The following CTNND2 variants were observed in gnomAD, a reference collection of about 807,000 sequenced individuals.
CTNND2 encodes the protein catenin delta 2, also known as catenin delta-2.
CTNND2 carries 22 observed loss-of-function variants against 144.4 expected under a neutral mutation model. The ratio of observed to expected loss-of-function variants is 0.15; its 90% CI spans 0.11 to 0.22. CTNND2 has a LOEUF of 0.22. Among genes scored for constraint, CTNND2 ranks in the 10% least tolerant of loss-of-function variants. The pLI, the probability that CTNND2 is intolerant of heterozygous loss-of-function variation, is 1.00. For synonymous variants in CTNND2, 751 were observed against 695.6 expected (o/e 1.08, Z -1.25); for missense variants, 1,353 against 1,618.8 (o/e 0.84, Z 2.82).
intron 18 of CTNND2, among the ~76,000 whole-genome samples, chr5:10,999,584 C>T (rs539276279): frequency 6.6e-6 from 1 of 152,332 alleles, no homozygotes; most frequent in South Asian, 2.1e-4. Flanking sequence ...TCACCTTCAA[C>T]AGACTGACCC....
intron 1 of CTNND2, among the ~76,000 whole-genome samples, chr5:11,828,656 C>T (rs544211110): frequency 1.6e-4 from 24 of 152,180 alleles, no homozygotes; most frequent in Non-Finnish European, 2.9e-4. Context: ...TCCCCAGCCA[C>T]GTGGAACAGT....
intron 1 of CTNND2, among the ~76,000 whole-genome samples, chr5:11,880,193 C>T (rs1735925373): frequency 6.6e-6 from 1 of 152,102 alleles, no homozygotes; most frequent in Non-Finnish European, 1.5e-5. Flanking sequence ...AGACATTATG[C>T]TCATGTGTAA....
intron 1 of CTNND2, among the ~76,000 whole-genome samples, chr5:11,765,619 A>T (rs1214395647): frequency 6.6e-6 from 1 of 152,192 alleles, no homozygotes; most frequent in Non-Finnish European, 1.5e-5. Context: ...TTAAAAATAT[A>T]GCTTGAAAAT....
chr5:11,813,172 G>T (rs909325140), intron 1 of CTNND2, among the ~76,000 whole-genome samples: 1 of 152,078 alleles, frequency 6.6e-6, no homozygotes, highest in Non-Finnish European at 1.5e-5. Flanking sequence ...TGTTACAATT[G>T]CCTACAGTAT....
intron 3 of CTNND2, among the ~76,000 whole-genome samples, chr5:11,537,222 A>T (rs1459447466): frequency 2.6e-5 from 4 of 152,106 alleles, no homozygotes; most frequent in African/African-American, 9.7e-5. Context: ...TAATTTGACA[A>T]ATTTGGGAAA....
chr5:11,437,342 T>G (rs1002565333), intron 3 of CTNND2, among the ~76,000 whole-genome samples: 5 of 152,224 alleles, frequency 3.3e-5, no homozygotes, highest in Admixed American at 6.5e-5. Flanking sequence ...ATCATCTTTA[T>G]GTGCCTAATC....
At chr5:11,511,065 G>A (rs1275486708) in intron 3 of CTNND2, among the ~76,000 whole-genome samples, 2 of 152,158 alleles carry the variant, frequency 1.3e-5, no homozygotes, top group Non-Finnish European at 2.9e-5. Context: ...GTCCAAGTAT[G>A]CTAACTGTAT....
chr5:11,741,465 A>G (rs908383563), intron 1 of CTNND2, among the ~76,000 whole-genome samples: 1 of 152,092 alleles, frequency 6.6e-6, no homozygotes, highest in African/African-American at 2.4e-5. Context: ...AACTATCACA[A>G]GAACAGAAAA....
At position 11,022,804 on chromosome 5, in the gene CTNND2, C is replaced by T; in HGVS notation, c.2964G>A (p.Glu988=). 5 of 1,614,180 alleles carry T rather than the reference C, an allele frequency of 3.1e-6. No homozygotes were observed. Among genetic ancestry groups the T allele is most frequent in the South Asian group, 1.1e-5 (1 of 91,074 alleles). Residue 988 remains glutamate, a synonymous_variant, in exon 17 of 22, where the codon GAG becomes GAA. Coordinates refer to ENST00000304623, the MANE Select transcript of CTNND2 (RefSeq NM_001332.4). ...TGCTTTTGGAGATGCCGACCAACTT[C>T]TCGATGCCACCGGCATCCCGTAAGG... ...AKALRDAGGI[E]KLVGISKSKG... is the part of the protein sequence containing the mutation.
At chr5:11,489,866 G>A (rs879292665) in intron 3 of CTNND2, among the ~76,000 whole-genome samples, 19 of 152,266 alleles carry the variant, frequency 1.2e-4, no homozygotes, top group Middle Eastern at 3.4e-3. Flanking sequence ...GAATGCGTAC[G>A]AGATCGTCTC....
chr5:11,600,444 G>A (rs1029113460), intron 2 of CTNND2, among the ~76,000 whole-genome samples: 5 of 152,018 alleles, frequency 3.3e-5, no homozygotes, highest in East Asian at 1.9e-4. Context: ...AGTGGCTCAC[G>A]CCTGTAATCC....
intron 2 of CTNND2, among the ~76,000 whole-genome samples, chr5:11,625,655 T>G (rs1781117813): frequency 6.6e-6 from 1 of 152,020 alleles, no homozygotes; most frequent in Non-Finnish European, 1.5e-5. Context: ...CAAATAACAG[T>G]TGGAAAAATT....
intron 2 of CTNND2, among the ~76,000 whole-genome samples, chr5:11,657,684 G>A (rs1782987368): frequency 6.6e-6 from 1 of 152,072 alleles, no homozygotes; most frequent in South Asian, 2.1e-4. Context: ...TGCTATTTAA[G>A]AAGTACATTT....
At chr5:11,817,569 G>C (rs554201400) in intron 1 of CTNND2, among the ~76,000 whole-genome samples, 54 of 152,084 alleles carry the variant, frequency 3.6e-4, no homozygotes, top group Middle Eastern at 6.8e-3. Flanking sequence ...GGTAGTGAAG[G>C]GGGGAAGCGG....
At chr5:11,647,498 T>C (rs1208495716) in intron 2 of CTNND2, among the ~76,000 whole-genome samples, 1 of 151,938 alleles carries the variant, frequency 6.6e-6, no homozygotes, top group African/African-American at 2.4e-5. Flanking sequence ...GTGGCTTCCA[T>C]GCAAGCCACT....
rs869141186 is a variant in CTNND2, at chr5:11,250,491, C to CTCTCTCTATA, written c.1629-13669_1629-13668insTATAGAGAGA. ...TCTCTCTCTCTCTCTCTCTCTCTCT[C>CTCTCTCTATA]TATATATATATATATATATATACAT... On this transcript the variant is annotated intron_variant, in intron 9 of 21. Coordinates refer to ENST00000304623, the MANE Select transcript of CTNND2 (RefSeq NM_001332.4). 5.1e-3 allele frequency among the ~76,000 whole-genome samples: 325 copies of CTCTCTCTATA among 64,082 alleles called. 1 individual carries two copies. Among genetic ancestry groups the CTCTCTCTATA allele is most frequent in the Middle Eastern group, 0.012 (1 of 86 alleles). 42.0% of individuals were successfully genotyped at this position (64,082 alleles called of 152,430 possible). A position where few individuals can be genotyped will look rare whatever the true frequency, so the allele number is the denominator to read the frequency against.
chr5:11,873,771 G>A (rs890890985), intron 1 of CTNND2, among the ~76,000 whole-genome samples: 5 of 152,136 alleles, frequency 3.3e-5, no homozygotes, highest in Non-Finnish European at 7.4e-5. Context: ...CCACCCCTTT[G>A]ACACCTGCCC....
At chr5:11,721,161 C>A (rs999827190) in intron 2 of CTNND2, among the ~76,000 whole-genome samples, 1 of 152,062 alleles carries the variant, frequency 6.6e-6, no homozygotes, top group African/African-American at 2.4e-5. Context: ...CCGATGCATG[C>A]CACAACATGA....
intron 1 of CTNND2, among the ~76,000 whole-genome samples, chr5:11,859,049 T>C (rs1340384897): frequency 1.3e-5 from 2 of 152,240 alleles, no homozygotes; most frequent in East Asian, 1.9e-4. Context: ...AAAAACCCAA[T>C]GAAGTAGATT....
Sources: gnomAD v4.1 joint callset for allele counts (sites outside exome capture counted in the v4.1 genomes callset) on GRCh38, gnomAD v4.1.1 for gene constraint, MANE v1.5 for transcripts, NCBI Gene and HGNC (gene_info 2026-07-23, HGNC 2026-07-21) for gene names.